Variants in PCLO observed in about 807,000 individuals in gnomAD.
The protein encoded by PCLO is piccolo presynaptic cytomatrix protein, also known as protein piccolo.
In PCLO, 82 loss-of-function variants were observed where a neutral mutation model predicts 427.5. The ratio of observed to expected loss-of-function variants is 0.19; its 90% confidence interval spans 0.16 to 0.23. PCLO has a LOEUF of 0.23. PCLO is among the 10% of genes least tolerant of loss of function. PCLO has a pLI of 1.00. For missense variants in PCLO, 6,239 were observed against 6,115.9 expected (o/e 1.02, Z -0.67); for synonymous variants, 2,357 against 2,155.4 (o/e 1.09, Z -2.59).
intron 4 of PCLO, among the ~76,000 whole-genome samples, chr7:82,959,248 G>T (rs1795602132): frequency 6.6e-6 from 1 of 151,972 alleles, no homozygotes; most frequent in Non-Finnish European, 1.5e-5. Context: ...TGTATTTTTA[G>T]TAGAGACGGG....
chr7:82,846,450 A>G (rs1032734594), intron 12 of PCLO, 117 bp downstream of exon 12: 3 of 650,988 alleles, frequency 4.6e-6, no homozygotes, highest in African/African-American at 3.8e-5. Context: ...CCATAACTTT[A>G]TATTTGTCTA....
intron 9 of PCLO, among the ~76,000 whole-genome samples, chr7:82,897,676 T>G (rs1793939579): frequency 6.6e-6 from 1 of 151,430 alleles, no homozygotes; most frequent in Admixed American, 6.6e-5. Context: ...AAAATTTAAG[T>G]CATACCATGG....
intron 10 of PCLO, among the ~76,000 whole-genome samples, chr7:82,871,240 T>C (rs975823499): frequency 2.0e-5 from 3 of 151,904 alleles, no homozygotes; most frequent in African/African-American, 7.2e-5. Context: ...GTAAAAACTG[T>C]GGTATCAATA....
intron 22 of PCLO, among the ~76,000 whole-genome samples, chr7:82,781,409 G>C (rs1328107063): frequency 6.6e-6 from 1 of 151,558 alleles, no homozygotes; most frequent in Admixed American, 6.6e-5. Context: ...ATGGTGGTTT[G>C]CTGCAACTAT....
At chr7:82,844,308 A>T (rs2115799294) in intron 13 of PCLO, among the ~76,000 whole-genome samples, 1 of 152,252 alleles carries the variant, frequency 6.6e-6, no homozygotes, top group South Asian at 2.1e-4. Context: ...TTTATTTTAA[A>T]ATTTAGCCTA....
chr7:82,952,362 A>G lies in PCLO; in HGVS notation c.8591T>C (p.Val2864Ala), dbSNP rs1795375806. 4 of 1,613,766 alleles carry G rather than the reference A, an allele frequency of 2.5e-6. No individual in the cohort carries two copies. In the African/African-American group the frequency reaches 4.0e-5, roughly 16 times the overall value. ...GACAGGTTTTGTAATAGCCAATGTC[A>G]CTGCATGTGCTGGAGTACCTAGAGA... ...NLSLGTPAHAVTLAITKPVTV... is the reference protein window; with the variant it reads ...NLSLGTPAHAATLAITKPVTV... The change falls in exon 5 of 25, where the codon GTG becomes GCG. Residue 2864 changes from valine (V) to alanine (A), a missense_variant. Coordinates refer to ENST00000333891, the MANE Select transcript of PCLO (RefSeq NM_033026.6).
At position 83,096,938 on chromosome 7, in the gene PCLO, A is replaced by AATATAATATAT. The variant is rs1790576085; in HGVS notation, c.3300+37311_3300+37312insATATATTATAT. Among the ~76,000 whole-genome samples, 2 of 45,976 alleles carry AATATAATATAT rather than the reference A, an allele frequency of 4.4e-5. 1 individual carries two copies. The highest frequency in any genetic ancestry group is 2.0e-4 in the African/African-American group (2 of 10,214). 30.2% of individuals were successfully genotyped at this position (45,976 alleles called of 152,430 possible). On this transcript the variant is annotated intron_variant, in intron 3 of 24. Transcript: ENST00000333891. ...AAATATATATAATATAATATAATAT[A>AATATAATATAT]TTATATATTATATAAATAATATAAT...
At chr7:82,875,006 C>A (rs1052906958) in intron 10 of PCLO, among the ~76,000 whole-genome samples, 2 of 152,102 alleles carry the variant, frequency 1.3e-5, no homozygotes, top group Non-Finnish European at 2.9e-5. Context: ...TTCCCCAGAT[C>A]TTTTGTCTTC....
chr7:82,953,163 G>C lies in PCLO; in HGVS notation c.7790C>G (p.Ala2597Gly). 1 of 1,613,964 alleles carries C rather than the reference G, an allele frequency of 6.2e-7. No individual in the cohort carries two copies. The highest frequency in any genetic ancestry group is 8.5e-7 in the Non-Finnish European group (1 of 1,179,870). ...SEPGTPTDSS[A>G]SQAITSWPLG... ...GGGCCAACTGGTAATTGCTTGACTA[G>C]CAGAAGAATCTGTTGGAGTCCCTGG... The change falls in exon 5 of 25, where the codon GCT becomes GGT. Residue 2597 changes from alanine (A) to glycine (G), a missense_variant. Around this residue, in one of 5 missense-constraint regions of PCLO, gnomAD observed 4,677 missense variants for 4,468.4 expected, o/e 1.05. Coordinates refer to ENST00000333891, the MANE Select transcript of PCLO (RefSeq NM_033026.6).
chr7:82,850,129 C>A (rs1315498964), intron 10 of PCLO, among the ~76,000 whole-genome samples: 4 of 152,118 alleles, frequency 2.6e-5, no homozygotes, highest in African/African-American at 9.7e-5. Context: ...CTGCCTTAGG[C>A]TCCTGAGTAG....
intron 3 of PCLO, among the ~76,000 whole-genome samples, chr7:82,996,691 G>A (rs1454495553): frequency 1.3e-5 from 2 of 151,538 alleles, no homozygotes; most frequent in African/African-American, 2.4e-5. Flanking sequence ...CTTTCCTTTC[G>A]TACATAGCCA....
chr7:82,915,175 T>C lies in PCLO; in HGVS notation c.12811A>G (p.Ile4271Val), dbSNP rs746748037. 2.7e-5 allele frequency: 43 copies of C among 1,604,576 alleles called. No individual in the cohort carries two copies. The highest frequency in any genetic ancestry group is 3.6e-5 in the Non-Finnish European group (42 of 1,174,958). Residue 4271 changes from isoleucine to valine, a missense_variant, in exon 7 of 25, where the codon ATA (isoleucine) becomes GTA (valine). Physicochemically the swap from Ile to Val is conservative, Grantham distance 29. Around this residue, in one of 5 missense-constraint regions of PCLO, gnomAD observed 680 missense variants for 677.3 expected, o/e 1.00. Coordinates refer to ENST00000333891, the MANE Select transcript of PCLO (RefSeq NM_033026.6). Reference protein sequence around the residue: ...GTGLGTLGNTIRSALQDEADK... With the variant: ...GTGLGTLGNTVRSALQDEADK... ...GCTTCATCCTGCAGAGCTGAGCGTA[T>C]GGTATTTCCTAATGTGCCCAGTCCT...
chr7:82,758,667 C>A lies in PCLO; in HGVS notation c.15337G>T (p.Gly5113Cys). Residue 5113 changes from glycine (G) to cysteine (C), a missense_variant, in exon 25 of 25, where the codon GGT becomes TGT. By Grantham distance (159) the Gly-to-Cys change is radical. This residue lies in a region of PCLO where 877 missense variants were observed against 925.5 expected (regional missense o/e 0.95). Transcript: ENST00000333891. ...TTGTCAAGCCAGATACAGGCTTCAC[C>A]AATCAAGGTCTTTTTCATAAACTTC... ...GGKFMKKTLI[G>C]EACIWLDKVD... The A allele has an allele frequency of 6.2e-7, 1 of 1,608,250 alleles. No individual in the cohort carries two copies. The highest frequency in any genetic ancestry group is 2.2e-5 in the East Asian group (1 of 44,796).
chr7:82,837,506 T>A (rs1346319022), intron 15 of PCLO, among the ~76,000 whole-genome samples: 1 of 152,042 alleles, frequency 6.6e-6, no homozygotes, highest in Admixed American at 6.6e-5. Context: ...AAGTGAAGGA[T>A]AATAATTTGT....
At chr7:82,938,415 G>C (rs771905932) in intron 6 of PCLO, among the ~76,000 whole-genome samples, 6 of 151,808 alleles carry the variant, frequency 4.0e-5, no homozygotes, top group Admixed American at 6.6e-5. Context: ...TAGTAGAAAA[G>C]AAAATGCTTA....
chr7:82,894,205 A>T (rs1163650237), intron 9 of PCLO, among the ~76,000 whole-genome samples: 3 of 152,074 alleles, frequency 2.0e-5, no homozygotes, highest in African/African-American at 7.2e-5. Context: ...GCTGGATAAA[A>T]CTTTAAAAAA....
At chr7:83,149,379 A>T (rs1162260589) in intron 2 of PCLO, among the ~76,000 whole-genome samples, 1 of 152,128 alleles carries the variant, frequency 6.6e-6, no homozygotes, top group Admixed American at 6.5e-5. Flanking sequence ...GGAATTCTTC[A>T]ACATACCAAC....
intron 2 of PCLO, among the ~76,000 whole-genome samples, chr7:83,149,735 CT>C (rs1792082841): frequency 6.6e-6 from 1 of 152,190 alleles, no homozygotes; most frequent in Admixed American, 6.5e-5. Flanking sequence ...CTCCCCATTT[CT>C]CTTACTAGAA....
At chr7:82,882,969 A>T (rs1402928877) in intron 9 of PCLO, among the ~76,000 whole-genome samples, 1 of 152,098 alleles carries the variant, frequency 6.6e-6, no homozygotes, top group East Asian at 1.9e-4. Context: ...ATATACTAAA[A>T]TATTATGAGG....
Sources: gnomAD v4.1 joint callset for allele counts (sites outside exome capture counted in the v4.1 genomes callset) on GRCh38, gnomAD v4.1.1 for gene constraint, gnomAD v4.1.1 regional missense constraint, MANE v1.5 for transcripts, NCBI Gene and HGNC (gene_info 2026-07-23, HGNC 2026-07-21) for gene names.